Variants in CLIC6 observed in about 807,000 individuals in gnomAD.
The protein encoded by CLIC6 is chloride intracellular channel protein 6.
Under a neutral mutation model 49.2 loss-of-function variants are expected in CLIC6, and 39 were observed. The observed-to-expected ratio is 0.79, with a 90% CI of 0.61 to 1.04. The LOEUF (loss-of-function observed/expected upper bound fraction) is 1.04, where lower values mean the gene tolerates loss of function less well. Among genes scored for constraint, CLIC6 ranks in the 50% least tolerant of loss-of-function variants. CLIC6 has a pLI of 0.00. For synonymous variants in CLIC6, 446 were observed against 433.4 expected (o/e 1.03, Z -0.36); for missense variants, 988 against 993.1 (o/e 0.99, Z 0.07).
chr21:34,680,671 C>T (rs911875363), intron 1 of CLIC6, among the ~76,000 whole-genome samples: 1 of 152,234 alleles, frequency 6.6e-6, no homozygotes, highest in African/African-American at 2.4e-5. Flanking sequence ...TTCCACAGAT[C>T]TCTAGGACAG....
At chr21:34,671,187 G>A (rs1989561973) in intron 1 of CLIC6, among the ~76,000 whole-genome samples, 2 of 150,694 alleles carry the variant, frequency 1.3e-5, no homozygotes, top group South Asian at 4.2e-4. Context: ...TGTTCAAAGG[G>A]ATTTCTGCCA....
intron 1 of CLIC6, among the ~76,000 whole-genome samples, chr21:34,683,080 G>C (rs905981791): frequency 6.6e-6 from 1 of 151,628 alleles, no homozygotes; most frequent in Non-Finnish European, 1.5e-5. Flanking sequence ...CAAAGTGCTA[G>C]GATTACAGGC....
At chr21:34,686,576 C>G (rs189036651) in intron 1 of CLIC6, among the ~76,000 whole-genome samples, 3 of 152,160 alleles carry the variant, frequency 2.0e-5, no homozygotes, top group Non-Finnish European at 4.4e-5. Context: ...GTGACTACTT[C>G]GTAACCAGCA....
chr21:34,685,975 T>C (rs1161490625), intron 1 of CLIC6, among the ~76,000 whole-genome samples: 1 of 152,220 alleles, frequency 6.6e-6, no homozygotes, highest in African/African-American at 2.4e-5. Context: ...AAGTTATTTA[T>C]ATCCTACTGC....
At chr21:34,671,843 G>A (rs758635833) in intron 1 of CLIC6, among the ~76,000 whole-genome samples, 8 of 152,154 alleles carry the variant, frequency 5.3e-5, no homozygotes, top group East Asian at 1.9e-4. Flanking sequence ...TTTGGGTGGC[G>A]AGGGGCTTGG....
At position 34,709,496 on chromosome 21, in the gene CLIC6, G is replaced by T. The variant is rs146983202; in HGVS notation, c.1857G>T (p.Thr619=). 382 of 1,613,998 alleles carry T rather than the reference G, an allele frequency of 2.4e-4. 1 individual carries two copies. The African/African-American group carries it at 4.4e-3, about 19-fold the overall frequency. Residue 619 remains threonine (T), a synonymous_variant, in exon 5 of 6, where the codon ACG becomes ACT. Coordinates refer to ENST00000349499, the MANE Select transcript of CLIC6 (RefSeq NM_053277.3). ...GRKFLDGDEL[T]LADCNLLPKL... is the part of the protein sequence containing the mutation. ...AGTTTCTGGATGGGGACGAGCTGAC[G>T]CTGGCTGACTGCAACCTCTTACCCA...
At chr21:34,689,213 G>A (rs1036838532) in intron 1 of CLIC6, among the ~76,000 whole-genome samples, 26 of 152,210 alleles carry the variant, frequency 1.7e-4, no homozygotes, top group African/African-American at 6.0e-4. Flanking sequence ...CAGAGAAGGA[G>A]ATGGATTTCT....
chr21:34,707,847 G>T, intron 2 of CLIC6, 97 bp from the exon 3 acceptor site: 1 of 1,336,480 alleles, frequency 7.5e-7, no homozygotes, highest in South Asian at 1.3e-5. Context: ...GTTCTCAAGA[G>T]TTGCTTCTCT....
chr21:34,712,278 T>A (rs572482725), intron 5 of CLIC6, among the ~76,000 whole-genome samples: 74 of 152,340 alleles, frequency 4.9e-4, no homozygotes, highest in African/African-American at 1.7e-3. Flanking sequence ...AAGGGATTTA[T>A]AATTTATTCC....
chr21:34,705,936 C>T, intron 1 of CLIC6: 1 of 524,916 alleles, frequency 1.9e-6, no homozygotes, highest in Non-Finnish European at 3.4e-6. Flanking sequence ...TAAAAATTCA[C>T]ATTCCTAGGC....
chr21:34,714,052 C>A (rs2056072404), intron 5 of CLIC6, among the ~76,000 whole-genome samples: 1 of 152,142 alleles, frequency 6.6e-6, no homozygotes, highest in Admixed American at 6.5e-5. Context: ...AATTTTATAT[C>A]TAGGCAATTA....
At chr21:34,699,619 C>T (rs1442119107) in intron 1 of CLIC6, among the ~76,000 whole-genome samples, 1 of 151,994 alleles carries the variant, frequency 6.6e-6, no homozygotes, top group Non-Finnish European at 1.5e-5. Flanking sequence ...AGGATATTCT[C>T]CTTAATTCCT....
chr21:34,703,601 C>CT (rs1293131673), intron 1 of CLIC6, among the ~76,000 whole-genome samples: 1 of 152,048 alleles, frequency 6.6e-6, no homozygotes, highest in Non-Finnish European at 1.5e-5. Flanking sequence ...AGAAAAAGGC[C>CT]TTTTTTCTAA....
At chr21:34,715,396 G>A (rs2056080386) in intron 5 of CLIC6, among the ~76,000 whole-genome samples, 1 of 152,200 alleles carries the variant, frequency 6.6e-6, no homozygotes, top group Non-Finnish European at 1.5e-5. Flanking sequence ...TGGAAAGAGA[G>A]ACACAGGGAG....
chr21:34,705,590 G>C (rs931271975), intron 1 of CLIC6, among the ~76,000 whole-genome samples: 24 of 152,184 alleles, frequency 1.6e-4, no homozygotes, highest in African/African-American at 5.5e-4. Context: ...ATGCTGGCGT[G>C]GGGAGGGGAG....
At chr21:34,676,407 A>G (rs1989671451) in intron 1 of CLIC6, among the ~76,000 whole-genome samples, 1 of 152,366 alleles carries the variant, frequency 6.6e-6, no homozygotes, top group East Asian at 1.9e-4. Context: ...GGTAAGCAGG[A>G]CTGACAAGCT....
In CLIC6 at chr21:34,669,708, A is replaced by G. The variant is rs1299940594; in HGVS notation, c.320A>G (p.Gln107Arg). Residue 107 changes from glutamine to arginine, a missense_variant, in exon 1 of 6, where the codon CAG becomes CGG. Coordinates refer to ENST00000349499, the MANE Select transcript of CLIC6 (RefSeq NM_053277.3). Reference protein sequence around the residue: ...QGGEETSGAQQVEGASPGRGA... With the variant: ...QGGEETSGAQRVEGASPGRGA... ...GGGGAGGAGACAAGCGGCGCGCAGC[A>G]GGTGGAGGGGGCGAGCCCGGGACGC... 3 of 1,366,500 alleles carry G rather than the reference A, an allele frequency of 2.2e-6. No homozygotes were observed. Among genetic ancestry groups the G allele is most frequent in the Non-Finnish European group, 2.8e-6 (3 of 1,067,048 alleles). The allele number at this position is 1,366,500 out of a possible 1,614,324, so 84.6% of individuals were successfully genotyped here. A position where few individuals can be genotyped will look rare whatever the true frequency, so the allele number is the denominator to read the frequency against.
chr21:34,688,774 C>G (rs1989931757), intron 1 of CLIC6, among the ~76,000 whole-genome samples: 1 of 152,166 alleles, frequency 6.6e-6, no homozygotes, highest in Non-Finnish European at 1.5e-5. Context: ...TCCTCCTTCT[C>G]TAAGGGAGAC....
chr21:34,707,180 G>A (rs780976804), intron 1 of CLIC6, 100 bp from the exon 2 acceptor site: 186 of 926,658 alleles, frequency 2.0e-4, no homozygotes, highest in Middle Eastern at 8.7e-4. Flanking sequence ...CATCCTGACC[G>A]TTCTTATCAA....
Sources: gnomAD v4.1 joint callset for allele counts (sites outside exome capture counted in the v4.1 genomes callset) on GRCh38, gnomAD v4.1.1 for gene constraint, MANE v1.5 for transcripts, NCBI Gene and HGNC (gene_info 2026-07-23, HGNC 2026-07-21) for gene names.